Variants in MINDY3 observed in about 807,000 individuals in gnomAD.
The protein encoded by MINDY3 is MINDY lysine 48 deubiquitinase 3, also known as ubiquitin carboxyl-terminal hydrolase MINDY-3.
Under a neutral mutation model 69.2 loss-of-function variants are expected in MINDY3, and 38 were observed. That is an observed-to-expected ratio of 0.55 (90% CI 0.42 to 0.72). The LOEUF (loss-of-function observed/expected upper bound fraction) is 0.72, where lower values mean the gene tolerates loss of function less well. Ranked by LOEUF, MINDY3 falls within the 30% of genes least tolerant of loss-of-function variation. The pLI is 0.00. For missense variants in MINDY3, 522 were observed against 519.0 expected, an observed-to-expected ratio of 1.01 and a Z score of -0.06; for synonymous variants, 192 against 180.1, an observed-to-expected ratio of 1.07 and a Z score of -0.53.
rs150206942 is a variant in MINDY3 at position 15,829,733 on chromosome 10, G to C, written c.730+3897C>G. Among the ~76,000 whole-genome samples, 112 of 152,308 alleles carry C rather than the reference G, an allele frequency of 7.4e-4. 1 individual carries two copies. Among genetic ancestry groups the C allele is most frequent in the African/African-American group, 2.6e-3 (108 of 41,580 alleles). On this transcript the variant is annotated intron_variant, in intron 8 of 14. Transcript: ENST00000277632. ...CAGAAAGCTATAGCATGATAGTCTA[G>C]ACAGGTGAGAGTAATGAGACCACAA... is the stretch of plus-strand genomic sequence containing the variant.
chr10:15,830,564 G>T (rs1840387141), intron 8 of MINDY3, among the ~76,000 whole-genome samples: 1 of 152,194 alleles, frequency 6.6e-6, no homozygotes, highest in Non-Finnish European at 1.5e-5. Context: ...GAGATGGCAT[G>T]GGAGTTCATC....
intron 8 of MINDY3, among the ~76,000 whole-genome samples, chr10:15,830,813 A>G (rs1840405043): frequency 6.6e-6 from 1 of 152,192 alleles, no homozygotes; most frequent in Non-Finnish European, 1.5e-5. Context: ...TAGAGAGTAA[A>G]TATTTTAGCG....
intron 14 of MINDY3, among the ~76,000 whole-genome samples, chr10:15,780,741 C>T (rs1404870281): frequency 2.6e-5 from 4 of 152,194 alleles, no homozygotes; most frequent in African/African-American, 9.7e-5. Flanking sequence ...CTGTATATTA[C>T]TGTCATTTTA....
intron 11 of MINDY3, among the ~76,000 whole-genome samples, chr10:15,791,671 T>TTTTAAATTTTAAATC (rs1837428583): frequency 6.6e-6 from 1 of 152,042 alleles, no homozygotes; most frequent in South Asian, 2.1e-4. Context: ...TTTTTACCAG[T>TTTTAAATTTTAAATC]TGAATATCCA....
chr10:15,848,831 A>G (rs528994887), intron 1 of MINDY3, among the ~76,000 whole-genome samples: 25 of 152,164 alleles, frequency 1.6e-4, no homozygotes, highest in African/African-American at 6.0e-4. Context: ...AACCCTGTGA[A>G]GATCATTTCA....
intron 10 of MINDY3, among the ~76,000 whole-genome samples, chr10:15,808,064 C>T (rs1838755779): frequency 6.6e-6 from 1 of 152,168 alleles, no homozygotes; most frequent in South Asian, 2.1e-4. Flanking sequence ...TAAAAATTTA[C>T]ATACTTGTAA....
intron 10 of MINDY3, among the ~76,000 whole-genome samples, chr10:15,805,324 C>T (rs1838559541): frequency 6.6e-6 from 1 of 152,120 alleles, no homozygotes; most frequent in African/African-American, 2.4e-5. Flanking sequence ...ACTCACTGTA[C>T]ACAGGCCTTA....
intron 2 of MINDY3, among the ~76,000 whole-genome samples, chr10:15,845,674 ATT>A (rs1353427101): frequency 1.7e-4 from 24 of 137,454 alleles, no homozygotes; most frequent in Non-Finnish European, 2.1e-4. Flanking sequence ...AATTTTTTCA[ATT>A]TTTTTTTTTT....
In MINDY3 at chr10:15,848,837, T is replaced by C. The variant is rs1834062965; in HGVS notation, c.95-894A>G. 2.6e-5 allele frequency among the ~76,000 whole-genome samples: 4 copies of C among 151,940 alleles called. No individual in the cohort carries two copies. The South Asian group carries it at 8.3e-4, about 32-fold the overall frequency. On this transcript the variant is annotated intron_variant, in intron 1 of 14. Coordinates refer to ENST00000277632, the MANE Select transcript of MINDY3 (RefSeq NM_024948.4). ...CATCTGGATAACCCTGTGAAGATCA[T>C]TTCACCTGCTTGGGCCTCAGTGTTC... is the stretch of plus-strand genomic sequence containing the variant.
intron 14 of MINDY3, among the ~76,000 whole-genome samples, chr10:15,779,872 C>T (rs1327723878): frequency 6.6e-6 from 1 of 152,082 alleles, no homozygotes; most frequent in Non-Finnish European, 1.5e-5. Flanking sequence ...AAATTTTATT[C>T]TGATTAATTT....
intron 1 of MINDY3, among the ~76,000 whole-genome samples, chr10:15,851,727 C>T (rs1260973380): frequency 6.6e-6 from 1 of 152,024 alleles, no homozygotes; most frequent in African/African-American, 2.4e-5. Flanking sequence ...TGTCCAGTCC[C>T]CAACTATTCA....
In MINDY3 at chr10:15,798,412, G is replaced by A. The variant is rs145866878; in HGVS notation, c.883-2240C>T. On this transcript the variant is annotated intron_variant, in intron 10 of 14. Coordinates refer to ENST00000277632, the MANE Select transcript of MINDY3 (RefSeq NM_024948.4). ...ATTAAGGAGCTGACAGTTCAGGAGT[G>A]TAAAAAGAATTTAAAGTAAACTACC... is the stretch of plus-strand genomic sequence containing the variant. 4.2e-4 allele frequency among the ~76,000 whole-genome samples: 64 copies of A among 151,212 alleles called. 1 individual carries two copies. The East Asian group carries it at 7.4e-3, about 17-fold the overall frequency.
intron 4 of MINDY3, among the ~76,000 whole-genome samples, chr10:15,840,833 T>C (rs564268772): frequency 2.0e-4 from 30 of 151,622 alleles, no homozygotes; most frequent in African/African-American, 7.0e-4. Context: ...CCACAGAATA[T>C]ATAATTTTTA....
intron 8 of MINDY3, among the ~76,000 whole-genome samples, chr10:15,823,189 G>A (rs1588592732): frequency 6.6e-6 from 1 of 152,202 alleles, no homozygotes; most frequent in East Asian, 1.9e-4. Flanking sequence ...TTAATAGAAG[G>A]TGCATATACA....
At chr10:15,853,803 T>C (rs1834487951) in intron 1 of MINDY3, among the ~76,000 whole-genome samples, 1 of 151,970 alleles carries the variant, frequency 6.6e-6, no homozygotes, top group African/African-American at 2.4e-5. Context: ...TTATTCAGAC[T>C]TGAGTATCTG....
intron 10 of MINDY3, among the ~76,000 whole-genome samples, chr10:15,801,383 G>C (rs1838249395): frequency 6.6e-6 from 1 of 152,072 alleles, no homozygotes; most frequent in Non-Finnish European, 1.5e-5. Flanking sequence ...GTATAAGAAA[G>C]AAGGCCTGGA....
At chr10:15,809,002 T>C (rs762441379) in intron 10 of MINDY3, among the ~76,000 whole-genome samples, 2 of 152,218 alleles carry the variant, frequency 1.3e-5, no homozygotes, top group Non-Finnish European at 2.9e-5. Context: ...ATTTTATACA[T>C]TCTAAATTCT....
intron 1 of MINDY3, among the ~76,000 whole-genome samples, chr10:15,853,915 C>A (rs987721224): frequency 1.3e-5 from 2 of 152,078 alleles, no homozygotes; most frequent in Non-Finnish European, 2.9e-5. Context: ...CTTGTGTCCA[C>A]TACTGTGACT....
chr10:15,851,819 T>C (rs773997028), intron 1 of MINDY3, among the ~76,000 whole-genome samples: 19 of 152,124 alleles, frequency 1.2e-4, no homozygotes, highest in Admixed American at 4.6e-4. Context: ...TGGCTTCTCA[T>C]TGCAATTAAA....
Sources: gnomAD v4.1 joint callset for allele counts (sites outside exome capture counted in the v4.1 genomes callset) on GRCh38, gnomAD v4.1.1 for gene constraint, MANE v1.5 for transcripts, NCBI Gene and HGNC (gene_info 2026-07-23, HGNC 2026-07-21) for gene names.